The following AGFG1 variants were observed in gnomAD, a reference collection of about 807,000 sequenced individuals.
The protein encoded by AGFG1 is arf-GAP domain and FG repeat-containing protein 1.
In AGFG1, 10 loss-of-function variants were observed where a neutral mutation model predicts 60.6. That is an observed-to-expected ratio of 0.16 (90% confidence interval 0.10 to 0.28). The LOEUF is 0.28. Ranked by LOEUF, AGFG1 falls within the 10% of genes least tolerant of loss-of-function variation. AGFG1 has a pLI of 1.00. For missense variants in AGFG1, 537 were observed against 676.5 expected, an observed-to-expected ratio of 0.79 and a Z score of 2.29; for synonymous variants, 247 against 242.9, an observed-to-expected ratio of 1.02 and a Z score of -0.16.
At chr2:227,472,696 AGG>A in intron 1 of AGFG1, 108 bp downstream of exon 1, 1 of 1,268,348 alleles carries the variant, frequency 7.9e-7, no homozygotes, top group Non-Finnish European at 1.0e-6. Flanking sequence ...GTGCCGTGGG[AGG>A]CGGTCGGGGG....
intron 2 of AGFG1, among the ~76,000 whole-genome samples, chr2:227,509,607 T>A (rs902259086): frequency 6.6e-6 from 1 of 152,138 alleles, no homozygotes; most frequent in African/African-American, 2.4e-5. Context: ...ATTAAAAAAA[T>A]TATTTTTCTC....
At chr2:227,480,270 G>A (rs1258661806) in intron 1 of AGFG1, among the ~76,000 whole-genome samples, 1 of 152,140 alleles carries the variant, frequency 6.6e-6, no homozygotes, top group Admixed American at 6.5e-5. Flanking sequence ...TTATTTTTAC[G>A]ACTCTAGGGG....
chr2:227,540,342 C>A (rs949528275), intron 10 of AGFG1, among the ~76,000 whole-genome samples: 2 of 152,142 alleles, frequency 1.3e-5, no homozygotes, highest in Admixed American at 6.5e-5. Flanking sequence ...ATCCCTCCCC[C>A]ACTCTACCCG....
At chr2:227,553,899 T>C (rs1575122151) in intron 12 of AGFG1, 104 bp downstream of exon 12, 2 of 642,236 alleles carry the variant, frequency 3.1e-6, no homozygotes, top group South Asian at 4.3e-5. Flanking sequence ...GGTGTTATAT[T>C]GATATGAGTG....
chr2:227,500,124 C>A (rs560348859), intron 2 of AGFG1, among the ~76,000 whole-genome samples: 103 of 149,702 alleles, frequency 6.9e-4, no homozygotes, highest in African/African-American at 2.2e-3. Flanking sequence ...CAAACAGGCC[C>A]TCCAGCCTCA....
intron 2 of AGFG1, among the ~76,000 whole-genome samples, chr2:227,501,068 A>G (rs1485584934): frequency 6.6e-6 from 1 of 152,066 alleles, no homozygotes; most frequent in Non-Finnish European, 1.5e-5. Flanking sequence ...TGCTGGGATT[A>G]CAGGCGTGAG....
At chr2:227,518,996 A>G (rs1349139207) in intron 2 of AGFG1, among the ~76,000 whole-genome samples, 1 of 152,034 alleles carries the variant, frequency 6.6e-6, no homozygotes, top group Non-Finnish European at 1.5e-5. Flanking sequence ...AACATGGTGA[A>G]ACACCATCTC....
chr2:227,483,810 G>T (rs1690538766), intron 1 of AGFG1, among the ~76,000 whole-genome samples: 1 of 152,048 alleles, frequency 6.6e-6, no homozygotes, highest in Non-Finnish European at 1.5e-5. Context: ...ATTTCACTTG[G>T]GTAAATATCT....
At chr2:227,485,779 C>T (rs1049444994) in intron 1 of AGFG1, among the ~76,000 whole-genome samples, 1 of 152,110 alleles carries the variant, frequency 6.6e-6, no homozygotes, top group Non-Finnish European at 1.5e-5. Flanking sequence ...AAATTTGCCT[C>T]ATTCTGATAA....
intron 6 of AGFG1, chr2:227,532,140 T>C: frequency 6.5e-7 from 1 of 1,545,104 alleles, no homozygotes; most frequent in African/African-American, 1.4e-5. Context: ...CTGTCCAGCA[T>C]TTAGAATGCT....
At chr2:227,554,291 A>G (rs753060671) in intron 12 of AGFG1, 145 bp from the exon 13 acceptor site, 8 of 680,466 alleles carry the variant, frequency 1.2e-5, no homozygotes, top group African/African-American at 1.8e-5. Flanking sequence ...CTTATTGCCA[A>G]TAACAAATAT....
Position 227,472,227 on chromosome 2 carries a change from G to A in AGFG1, c.-195G>A, listed in dbSNP as rs1690110812. On this transcript the variant is annotated 5_prime_UTR_variant, in exon 1 of 13. Transcript: ENST00000310078. ...CCGGCTGTGCCGGTTGGTGTGGCCC[G>A]TCAGCCCGCGTACCACAGCGCCCGG... 2 of 174,594 alleles carry A rather than the reference G, an allele frequency of 1.1e-5. No homozygotes were observed. Among genetic ancestry groups the A allele is most frequent in the Non-Finnish European group, 2.3e-5 (2 of 87,698 alleles). The allele number at this position is 174,594 out of a possible 1,614,324, so 10.8% of individuals were successfully genotyped here.
intron 2 of AGFG1, among the ~76,000 whole-genome samples, chr2:227,500,304 A>G (rs746567102): frequency 1.3e-5 from 2 of 152,136 alleles, no homozygotes; most frequent in Non-Finnish European, 2.9e-5. Flanking sequence ...CTGTGATCCT[A>G]GGTTCTTTCC....
At chr2:227,530,610 T>C (rs1309785196) in intron 5 of AGFG1, among the ~76,000 whole-genome samples, 2 of 152,044 alleles carry the variant, frequency 1.3e-5, no homozygotes, top group East Asian at 3.8e-4. Context: ...GGTGAGACAT[T>C]TGTAAACTTA....
At chr2:227,484,932 A>ACT (rs1690581217) in intron 1 of AGFG1, among the ~76,000 whole-genome samples, 1 of 151,072 alleles carries the variant, frequency 6.6e-6, no homozygotes, top group African/African-American at 2.4e-5. Context: ...CTGGTCTCGA[A>ACT]CTCCTGAGCT....
chr2:227,473,312 C>T (rs1421400946), intron 1 of AGFG1, among the ~76,000 whole-genome samples: 2 of 152,040 alleles, frequency 1.3e-5, no homozygotes. Context: ...GTTTTATGGT[C>T]CGAAGAGAGT....
Position 227,559,485 on chromosome 2 carries a change from G to A in AGFG1, c.*4990G>A, listed in dbSNP as rs767601510. 1.3e-5 allele frequency: 2 copies of A among 152,010 alleles called. No homozygotes were observed. Among genetic ancestry groups the A allele is most frequent in the African/African-American group, 4.8e-5 (2 of 41,390 alleles). The allele number at this position is 152,010 out of a possible 1,614,324, so 9.4% of individuals were successfully genotyped here. A position where few individuals can be genotyped will look rare whatever the true frequency, so the allele number is the denominator to read the frequency against. On this transcript the variant is annotated 3_prime_UTR_variant, in exon 13 of 13. Coordinates refer to ENST00000310078, the MANE Select transcript of AGFG1 (RefSeq NM_004504.5). ...TTATTCTAGTGGATAAAAATTCAAC[G>A]TATATTTAAGTGTATTTTTGACATC...
intron 6 of AGFG1, 101 bp from the exon 7 acceptor site, chr2:227,533,448 G>A (rs1692219360): frequency 9.7e-7 from 1 of 1,027,460 alleles, no homozygotes; most frequent in Non-Finnish European, 1.5e-6. Context: ...TTGTAAGATT[G>A]CTTATAGGAC....
At position 227,534,862 on chromosome 2, in the gene AGFG1, G is replaced by A. The variant is rs1692262056; in HGVS notation, c.1042G>A (p.Gly348Ser). Residue 348 changes from glycine to serine, a missense_variant, in exon 8 of 13, where the codon GGC (glycine) becomes AGC (serine). Gly to Ser is a moderately conservative substitution (Grantham distance 56). Transcript: ENST00000310078. ...GTTCCCAGGTGGTGATCAGGGAAGT[G>A]GCTTTGGGACCACAGGTAAAGCTCC... Reference protein sequence around the residue: ...SAGQGGDQGSGFGTTGKAPVG... With the variant: ...SAGQGGDQGSSFGTTGKAPVG... The A allele has an allele frequency of 3.1e-6, 5 of 1,613,630 alleles. No homozygotes were observed. In the East Asian group the frequency reaches 1.1e-4, roughly 36 times the overall value.
Sources: allele counts gnomAD v4.1 joint callset (sites outside exome capture counted in the v4.1 genomes callset), GRCh38; gene constraint gnomAD v4.1.1; transcripts MANE v1.5; gene names NCBI Gene and HGNC (gene_info 2026-07-23, HGNC 2026-07-21).